The following PRR23B variants were observed in gnomAD, a reference collection of about 807,000 sequenced individuals.
PRR23B encodes proline-rich protein 23B.
For synonymous variants in PRR23B, 157 were observed against 168.0 expected, an observed-to-expected ratio of 0.93 and a Z score of 0.51; for missense variants, 375 against 371.7, an observed-to-expected ratio of 1.01 and a Z score of -0.07.
chr3:139,019,079 T>A lies in PRR23B; in HGVS notation c.*785A>T, dbSNP rs1170338339. On this transcript the variant is annotated 3_prime_UTR_variant, in exon 1 of 1. Coordinates refer to ENST00000329447, the MANE Select transcript of PRR23B (RefSeq NM_001013650.2). ...CTCCTATATAAAAATATGAGGCAACTACAGTAATAAACTAACATTTTAAAA... is the reference window on the plus strand; with the variant it reads ...CTCCTATATAAAAATATGAGGCAACAACAGTAATAAACTAACATTTTAAAA... 1 of 152,148 alleles carries A rather than the reference T, an allele frequency of 6.6e-6. No homozygotes were observed. Among genetic ancestry groups the A allele is most frequent in the African/African-American group, 2.4e-5 (1 of 41,452 alleles). 9.4% of individuals were successfully genotyped at this position (152,148 alleles called of 1,614,324 possible).
In PRR23B at chr3:139,020,749, G is replaced by A; in HGVS notation, c.-88C>T. 1 of 1,396,214 alleles carries A rather than the reference G, an allele frequency of 7.2e-7. No individual in the cohort carries two copies. Among genetic ancestry groups the A allele is most frequent in the Middle Eastern group, 2.6e-4 (1 of 3,778 alleles). 86.5% of individuals were successfully genotyped at this position (1,396,214 alleles called of 1,614,324 possible). A position where few individuals can be genotyped will look rare whatever the true frequency, so the allele number is the denominator to read the frequency against. On this transcript the variant is annotated 5_prime_UTR_variant, in exon 1 of 1. Transcript: ENST00000329447. ...TGAAGTCCTCTTTGAAGTAACAGAT[G>A]TCGGTGGTAGGGGAGGCTGGTTGGG...
At position 139,019,248 on chromosome 3, in the gene PRR23B, A is replaced by C. The variant is rs973707269; in HGVS notation, c.*616T>G. ...TAAAAAAAAATACATAACACAATGC[A>C]TGCTGAAAACATCTGATAAAATTCA... is the stretch of plus-strand genomic sequence containing the variant. On this transcript the variant is annotated 3_prime_UTR_variant, in exon 1 of 1. Coordinates refer to ENST00000329447, the MANE Select transcript of PRR23B (RefSeq NM_001013650.2). The C allele has an allele frequency of 7.9e-5, 12 of 152,254 alleles. No homozygotes were observed. The highest frequency in any genetic ancestry group is 5.9e-4 in the Admixed American group (9 of 15,284). 9.4% of individuals were successfully genotyped at this position (152,254 alleles called of 1,614,324 possible).
chr3:139,019,737 A>C lies in PRR23B; in HGVS notation c.*127T>G. ...TACTATCGGTAGTGTGCAGCGAAAAAGCAATTGTCCGAACACGCGGTGCCC... is the reference window on the plus strand; with the variant it reads ...TACTATCGGTAGTGTGCAGCGAAAACGCAATTGTCCGAACACGCGGTGCCC... On this transcript the variant is annotated 3_prime_UTR_variant, in exon 1 of 1. Transcript: ENST00000329447. 1 of 897,964 alleles carries C rather than the reference A, an allele frequency of 1.1e-6. No individual in the cohort carries two copies. The highest frequency in any genetic ancestry group is 1.7e-6 in the Non-Finnish European group (1 of 601,504). 55.6% of individuals were successfully genotyped at this position (897,964 alleles called of 1,614,324 possible).
chr3:139,020,875 G>T lies in PRR23B; in HGVS notation c.-214C>A. 1 of 603,494 alleles carries T rather than the reference G, an allele frequency of 1.7e-6. No individual in the cohort carries two copies. The allele number at this position is 603,494 out of a possible 1,614,324, so 37.4% of individuals were successfully genotyped here. A position where few individuals can be genotyped will look rare whatever the true frequency, so the allele number is the denominator to read the frequency against. ...CTGGGCTGCTGGTGGTGCCTCGCCG[G>T]CCACCGGGCTCAGCTTAGCTCGTTG... On this transcript the variant is annotated 5_prime_UTR_variant, in exon 1 of 1. Coordinates refer to ENST00000329447, the MANE Select transcript of PRR23B (RefSeq NM_001013650.2).
In PRR23B at chr3:139,020,694, G is replaced by A. The variant is rs754637656; in HGVS notation, c.-33C>T. The A allele has an allele frequency of 2.0e-6, 3 of 1,463,630 alleles. No homozygotes were observed. The African/African-American group carries it at 4.4e-5, about 21-fold the overall frequency. The allele number at this position is 1,463,630 out of a possible 1,614,324, so 90.7% of individuals were successfully genotyped here. A position where few individuals can be genotyped will look rare whatever the true frequency, so the allele number is the denominator to read the frequency against. On this transcript the variant is annotated 5_prime_UTR_variant, in exon 1 of 1. Transcript: ENST00000329447. ...ACGGCGCTGTGGACGGCGCTCCTGG[G>A]CCTAGCAGCGGACGTGGGGAGCGCG...
Position 139,019,680 on chromosome 3 carries a change from A to G in PRR23B, c.*184T>C, listed in dbSNP as rs1394500037. ...TTTCTATTTAAAGATGAGGTCTAGA[A>G]TATACCTTTTCTTGCTGACGTCTTC... On this transcript the variant is annotated 3_prime_UTR_variant, in exon 1 of 1. Transcript: ENST00000329447. The G allele has an allele frequency of 1.5e-5, 9 of 602,804 alleles. No individual in the cohort carries two copies. The highest frequency in any genetic ancestry group is 2.6e-5 in the Non-Finnish European group (9 of 352,590). 37.3% of individuals were successfully genotyped at this position (602,804 alleles called of 1,614,324 possible).
the PRR23B span, chr3:139,020,265 C>A: frequency 6.2e-7 from 1 of 1,614,094 alleles, no homozygotes; most frequent in Non-Finnish European, 8.5e-7. Context: ...ACGACGTCCT[C>A]CCTGACAGCG....
Position 139,019,886 on chromosome 3 carries a change from C to A in PRR23B, c.776G>T (p.Arg259Leu), listed in dbSNP as rs1576489828. The A allele has an allele frequency of 1.9e-6, 3 of 1,604,442 alleles. No homozygotes were observed. The highest frequency in any genetic ancestry group is 2.7e-5 in the African/African-American group (2 of 74,560). ...GGTCTATGCCTGGAACAGGCGTCTC[C>A]GGGCCTTGCACGGAGGGCGTTCCGG... is the stretch of plus-strand genomic sequence containing the variant. ...PLPERPPCKARRRLFQA is the reference protein window; with the variant it reads ...PLPERPPCKALRRLFQA Residue 259 changes from arginine to leucine, a missense_variant, in exon 1 of 1, where the codon CGG (arginine) becomes CTG (leucine). Transcript: ENST00000329447.
In PRR23B at chr3:139,020,331, G is replaced by A. The variant is rs555725893; in HGVS notation, c.331C>T (p.Arg111Cys). Residue 111 changes from arginine to cysteine, a missense_variant, in exon 1 of 1, where the codon CGC becomes TGC. Transcript: ENST00000329447. ...PEVLLSSVDE[R>C]SGAQHDSSAG... ...GACGAGTCGTGCTGCGCTCCTGAGC[G>A]TTCGTCGACGGAGCTCAGGAGGACC... 6.7e-5 allele frequency: 108 copies of A among 1,614,056 alleles called. No individual in the cohort carries two copies. Among genetic ancestry groups the A allele is most frequent in the Middle Eastern group, 6.6e-4 (4 of 6,062 alleles).
Position 139,019,830 on chromosome 3 carries a change from G to T in PRR23B, c.*34C>A, listed in dbSNP as rs1278555989. On this transcript the variant is annotated 3_prime_UTR_variant, in exon 1 of 1. Coordinates refer to ENST00000329447, the MANE Select transcript of PRR23B (RefSeq NM_001013650.2). ...ATCCTAGAGGGCCTCCAGCAGAGCG[G>T]CCAGGATTGTTGTGTGTACGTGGGG... The T allele has an allele frequency of 1.1e-5, 17 of 1,529,848 alleles. No individual in the cohort carries two copies. Among genetic ancestry groups the T allele is most frequent in the South Asian group, 2.6e-5 (2 of 76,716 alleles). The allele number at this position is 1,529,848 out of a possible 1,614,324, so 94.8% of individuals were successfully genotyped here. A position where few individuals can be genotyped will look rare whatever the true frequency, so the allele number is the denominator to read the frequency against.
In PRR23B at chr3:139,019,898, G is replaced by C. The variant is rs765732964; in HGVS notation, c.764C>G (p.Pro255Arg). Residue 255 changes from proline to arginine, a missense_variant, in exon 1 of 1, where the codon CCG becomes CGG. Physicochemically the swap from Pro to Arg is moderately radical, Grantham distance 103. Transcript: ENST00000329447. ...GAACAGGCGTCTCCGGGCCTTGCACGGAGGGCGTTCCGGGAGCGGCGAGCG... is the reference window on the plus strand; with the variant it reads ...GAACAGGCGTCTCCGGGCCTTGCACCGAGGGCGTTCCGGGAGCGGCGAGCG... ...HARSPLPERP[P>R]CKARRRLFQA The C allele has an allele frequency of 1.9e-6, 3 of 1,609,764 alleles. No individual in the cohort carries two copies. Among genetic ancestry groups the C allele is most frequent in the Admixed American group, 3.4e-5 (2 of 59,210 alleles).
At chr3:139,020,156 TC>T in the PRR23B span, 1 of 1,611,858 alleles carries the variant, frequency 6.2e-7, no homozygotes, top group African/African-American at 1.4e-5. Context: ...GGTTGGGGAG[TC>T]CATCCGGAGC....
At position 139,020,876 on chromosome 3, in the gene PRR23B, C is replaced by T; in HGVS notation, c.-215G>A. 1.7e-6 allele frequency: 1 copy of T among 600,652 alleles called. No homozygotes were observed. The highest frequency in any genetic ancestry group is 2.8e-6 in the Non-Finnish European group (1 of 357,272). The allele number at this position is 600,652 out of a possible 1,614,324, so 37.2% of individuals were successfully genotyped here. On this transcript the variant is annotated 5_prime_UTR_variant, in exon 1 of 1. Transcript: ENST00000329447. Reference sequence around the variant, plus strand: ...TGGGCTGCTGGTGGTGCCTCGCCGGCCACCGGGCTCAGCTTAGCTCGTTGG... The same window carrying T: ...TGGGCTGCTGGTGGTGCCTCGCCGGTCACCGGGCTCAGCTTAGCTCGTTGG...
At position 139,020,681 on chromosome 3, in the gene PRR23B, A is replaced by G. The variant is rs757853887; in HGVS notation, c.-20T>C. On this transcript the variant is annotated 5_prime_UTR_variant, in exon 1 of 1. Coordinates refer to ENST00000329447, the MANE Select transcript of PRR23B (RefSeq NM_001013650.2). ...GACCATCGCCTCGACGGCGCTGTGG[A>G]CGGCGCTCCTGGGCCTAGCAGCGGA... is the stretch of plus-strand genomic sequence containing the variant. 1.1e-5 allele frequency: 17 copies of G among 1,485,750 alleles called. No homozygotes were observed. The South Asian group carries it at 2.3e-4, about 20-fold the overall frequency. The allele number at this position is 1,485,750 out of a possible 1,614,324, so 92.0% of individuals were successfully genotyped here. A position where few individuals can be genotyped will look rare whatever the true frequency, so the allele number is the denominator to read the frequency against.
chr3:139,020,042 T>A lies in PRR23B; in HGVS notation c.620A>T (p.Glu207Val). 2 of 1,613,918 alleles carry A rather than the reference T, an allele frequency of 1.2e-6. No individual in the cohort carries two copies. Among genetic ancestry groups the A allele is most frequent in the Middle Eastern group, 1.7e-4 (1 of 6,054 alleles). The change falls in exon 1 of 1, where the codon GAG becomes GTG. Residue 207 changes from glutamate (E) to valine (V), a missense_variant. Transcript: ENST00000329447. ...AAAGATGGGGCGTGGAGAACGTCTC[T>A]CTGAACTGGGGTTGGGGGCCAGAGC... ...PCALAPNPSS[E>V]RRSPRPIFDL...
At position 139,020,015 on chromosome 3, in the gene PRR23B, T is replaced by C. The variant is rs1936929096; in HGVS notation, c.647A>G (p.Asp216Gly). Residue 216 changes from aspartate to glycine, a missense_variant, in exon 1 of 1, where the codon GAC becomes GGC. Transcript: ENST00000329447. ...SERRSPRPIF[D>G]LEFRLLEPVP... ...AGGCTCCAGAAGGCGGAATTCCAGG[T>C]CAAAGATGGGGCGTGGAGAACGTCT... 1 of 1,613,734 alleles carries C rather than the reference T, an allele frequency of 6.2e-7. No individual in the cohort carries two copies. Among genetic ancestry groups the C allele is most frequent in the Admixed American group, 1.7e-5 (1 of 59,980 alleles).
chr3:139,020,842 A>G lies in PRR23B; in HGVS notation c.-181T>C, dbSNP rs1445470988. The stretch of plus-strand genomic sequence containing the variant: ...GAGCTCCCGGGGCGCCTCCTGGGGG[A>G]CCGTAGTCTGGGCTGCTGGTGGTGC... On this transcript the variant is annotated 5_prime_UTR_variant, in exon 1 of 1. Transcript: ENST00000329447. The G allele has an allele frequency of 1.3e-6, 1 of 761,276 alleles. No homozygotes were observed. 47.2% of individuals were successfully genotyped at this position (761,276 alleles called of 1,614,324 possible). A position where few individuals can be genotyped will look rare whatever the true frequency, so the allele number is the denominator to read the frequency against.
chr3:139,020,538 C>T lies in PRR23B; in HGVS notation c.124G>A (p.Ala42Thr), dbSNP rs1414457250. 3.2e-6 allele frequency: 5 copies of T among 1,558,386 alleles called. No individual in the cohort carries two copies. The highest frequency in any genetic ancestry group is 1.2e-5 in the South Asian group (1 of 85,190). Residue 42 changes from alanine to threonine, a missense_variant, in exon 1 of 1, where the codon GCA becomes ACA. Transcript: ENST00000329447. ...CCCGCCGGGTCTTCCAGGCTGGGTG[C>T]CGCGCGGGGTTCGGGGCCCGCGGGC... ...EEPAGPEPRA[A>T]PSLEDPAGDP...
Position 139,020,021 on chromosome 3 carries a change from A to G in PRR23B, c.641T>C (p.Ile214Thr). The change falls in exon 1 of 1, where the codon ATC (isoleucine) becomes ACC (threonine). Residue 214 changes from isoleucine to threonine, a missense_variant. Physicochemically the swap from Ile to Thr is moderately conservative, Grantham distance 89 (BLOSUM62 -1). Coordinates refer to ENST00000329447, the MANE Select transcript of PRR23B (RefSeq NM_001013650.2). ...PSSERRSPRP[I>T]FDLEFRLLEP... ...CAGAAGGCGGAATTCCAGGTCAAAGATGGGGCGTGGAGAACGTCTCTCTGA... is the reference window on the plus strand; with the variant it reads ...CAGAAGGCGGAATTCCAGGTCAAAGGTGGGGCGTGGAGAACGTCTCTCTGA... The G allele has an allele frequency of 6.2e-7, 1 of 1,613,998 alleles. No individual in the cohort carries two copies. Among genetic ancestry groups the G allele is most frequent in the South Asian group, 1.1e-5 (1 of 91,070 alleles).
Sources: gnomAD v4.1 joint callset for allele counts on GRCh38, gnomAD v4.1.1 for gene constraint, MANE v1.5 for transcripts, NCBI Gene and HGNC (gene_info 2026-07-23, HGNC 2026-07-21) for gene names.